The following RNF168 variants were observed in gnomAD, a reference collection of about 807,000 sequenced individuals.
The protein encoded by RNF168 is E3 ubiquitin-protein ligase RNF168.
A neutral mutation model predicts 34.9 loss-of-function variants in RNF168; 34 were observed. The observed-to-expected ratio is 0.97, with a 90% CI of 0.74 to 1.30. The LOEUF is 1.30. RNF168 is among the 50% of genes most tolerant of loss of function. The probability of loss-of-function intolerance (pLI) is 0.00; values close to 1 mark genes in which losing one functional copy is unlikely to be tolerated. For missense variants in RNF168, 725 were observed against 682.5 expected, an observed-to-expected ratio of 1.06 and a Z score of -0.69; for synonymous variants, 264 against 254.7, an observed-to-expected ratio of 1.04 and a Z score of -0.35.
intron 1 of RNF168, among the ~76,000 whole-genome samples, chr3:196,497,585 G>C (rs193084873): frequency 6.6e-6 from 1 of 151,908 alleles, no homozygotes; most frequent in Non-Finnish European, 1.5e-5. Flanking sequence ...GAGGAGAATC[G>C]CTTGAACCTG....
At chr3:196,481,128 C>T (rs374868599) in intron 4 of RNF168, among the ~76,000 whole-genome samples, 4 of 151,964 alleles carry the variant, frequency 2.6e-5, no homozygotes, top group Admixed American at 6.6e-5. Context: ...ATAATTATAC[C>T]GCCTCTGAAG....
intron 1 of RNF168, 112 bp from the exon 2 acceptor site, chr3:196,488,795 A>C: frequency 1.8e-6 from 1 of 551,214 alleles, no homozygotes; most frequent in Non-Finnish European, 3.3e-6. Context: ...AACTGCAGCA[A>C]TATCTCCTTT....
chr3:196,486,129 A>T lies in RNF168; in HGVS notation c.558+1270T>A, dbSNP rs879688241. Among the ~76,000 whole-genome samples, 63 of 152,238 alleles carry T rather than the reference A, an allele frequency of 4.1e-4. 1 individual carries two copies. The highest frequency in any genetic ancestry group is 6.3e-4 in the Non-Finnish European group (43 of 68,044). Reference sequence around the variant, plus strand: ...AGGCAGCAATTTAACTACAGGAAGCAGAACATCCAAGTTTAATACATTATC... The same window carrying T: ...AGGCAGCAATTTAACTACAGGAAGCTGAACATCCAAGTTTAATACATTATC... On this transcript the variant is annotated intron_variant, in intron 3 of 5. Coordinates refer to ENST00000318037, the MANE Select transcript of RNF168 (RefSeq NM_152617.4).
At chr3:196,484,169 TC>T (rs1289936657) in intron 3 of RNF168, among the ~76,000 whole-genome samples, 1 of 120,220 alleles carries the variant, frequency 8.3e-6, no homozygotes, top group Non-Finnish European at 1.7e-5. Flanking sequence ...GATCTTTCTT[TC>T]CTTTTTTTTT....
intron 4 of RNF168, among the ~76,000 whole-genome samples, chr3:196,480,067 C>CGT (rs1553861538): frequency 2.0e-5 from 3 of 151,700 alleles, no homozygotes; most frequent in African/African-American, 7.3e-5. Flanking sequence ...GTAAATATTC[C>CGT]GTCTTCATCT....
At chr3:196,493,865 T>A (rs1259818891) in intron 1 of RNF168, among the ~76,000 whole-genome samples, 2 of 151,172 alleles carry the variant, frequency 1.3e-5, no homozygotes, top group African/African-American at 4.9e-5. Flanking sequence ...ATTTTTTTTT[T>A]TTTTTGAGAC....
rs558954467 is a variant in RNF168 at position 196,475,097 on chromosome 3, G to A, written c.762+134C>T. On this transcript the variant is annotated intron_variant, in intron 5 of 5. Coordinates refer to ENST00000318037, the MANE Select transcript of RNF168 (RefSeq NM_152617.4). ...GAGAAAAAGTGCTTTTTCTCTAGGT[G>A]AGCCTAAGAGGACTCAGACAGGGTG... The A allele has an allele frequency of 4.7e-6, 3 of 643,448 alleles. No individual in the cohort carries two copies. The South Asian group carries it at 5.2e-5, about 11-fold the overall frequency. 39.9% of individuals were successfully genotyped at this position (643,448 alleles called of 1,614,324 possible). A position where few individuals can be genotyped will look rare whatever the true frequency, so the allele number is the denominator to read the frequency against.
At chr3:196,487,252 C>G in intron 3 of RNF168, 147 bp downstream of exon 3, 1 of 799,976 alleles carries the variant, frequency 1.3e-6, no homozygotes, top group Admixed American at 1.8e-5. Flanking sequence ...TCCAAACACT[C>G]AAATCCAACC....
In RNF168 at chr3:196,503,170, C is replaced by G; in HGVS notation, c.4G>C (p.Ala2Pro). 6.2e-7 allele frequency: 1 copy of G among 1,613,738 alleles called. No homozygotes were observed. The highest frequency in any genetic ancestry group is 8.5e-7 in the Non-Finnish European group (1 of 1,179,750). M[A>P]LPKDAIPSLS... is the part of the protein sequence containing the mutation. Reference sequence around the variant, plus strand: ...GAGGGGATGGCGTCTTTGGGTAGAGCCATTTCAATATGTTAGTAAAGCCGA... The same window carrying G: ...GAGGGGATGGCGTCTTTGGGTAGAGGCATTTCAATATGTTAGTAAAGCCGA... The change falls in exon 1 of 6, where the codon GCT becomes CCT. Residue 2 changes from alanine to proline, a missense_variant. Physicochemically the swap from Ala to Pro is conservative, Grantham distance 27. Coordinates refer to ENST00000318037, the MANE Select transcript of RNF168 (RefSeq NM_152617.4).
rs1458803237 is a variant in RNF168 at position 196,470,399 on chromosome 3, T to G, written c.*1420A>C. The G allele has an allele frequency of 5.9e-5, 9 of 151,326 alleles. No individual in the cohort carries two copies. The highest frequency in any genetic ancestry group is 1.2e-4 in the Non-Finnish European group (8 of 68,624). The allele number at this position is 151,326 out of a possible 1,614,324, so 9.4% of individuals were successfully genotyped here. The stretch of plus-strand genomic sequence containing the variant: ...CCCCACCCAGCCTCATCTGGACCAG[T>G]TTCTGACGACCCAATCAGTTTCAAT... On this transcript the variant is annotated 3_prime_UTR_variant, in exon 6 of 6. Transcript: ENST00000318037.
At chr3:196,501,401 G>A (rs1411755834) in intron 1 of RNF168, among the ~76,000 whole-genome samples, 1 of 152,160 alleles carries the variant, frequency 6.6e-6, no homozygotes, top group Non-Finnish European at 1.5e-5. Context: ...GAAAAATGAA[G>A]TACTGATCCA....
chr3:196,498,623 G>GT (rs1193711618), intron 1 of RNF168, among the ~76,000 whole-genome samples: 2 of 152,162 alleles, frequency 1.3e-5, no homozygotes, highest in African/African-American at 4.8e-5. Context: ...CTGAAGCACT[G>GT]TATCAGTGGA....
In RNF168 at chr3:196,487,475, G is replaced by A. The variant is rs137882759; in HGVS notation, c.482C>T (p.Ala161Val). Residue 161 changes from alanine to valine, a missense_variant, in exon 3 of 6, where the codon GCA becomes GTA. Transcript: ENST00000318037. ...TTCCATCGCTCTTCGCCTTTTTTCT[G>A]CCTGTCTTTTTTCCTCTTCTTCCTC... ...AEEEEEEKRQ[A>V]EKRRRAMEEQ... 1.3e-4 allele frequency: 202 copies of A among 1,613,930 alleles called. No homozygotes were observed. The East Asian group carries it at 4.1e-3, about 33-fold the overall frequency.
In RNF168 at chr3:196,491,119, C is replaced by A. The variant is rs568392179; in HGVS notation, c.302-2436G>T. Among the ~76,000 whole-genome samples, 25 of 152,028 alleles carry A rather than the reference C, an allele frequency of 1.6e-4. No homozygotes were observed. In the South Asian group the frequency reaches 1.9e-3, roughly 11 times the overall value. Reference sequence around the variant, plus strand: ...CATGAGGTCAGGAGTTCGAGACCAGCCTGGCCAATATGGTGAAACCCCGTC... The same window carrying A: ...CATGAGGTCAGGAGTTCGAGACCAGACTGGCCAATATGGTGAAACCCCGTC... On this transcript the variant is annotated intron_variant, in intron 1 of 5. Coordinates refer to ENST00000318037, the MANE Select transcript of RNF168 (RefSeq NM_152617.4).
Position 196,484,842 on chromosome 3 carries a change from G to C in RNF168, c.559-951C>G, listed in dbSNP as rs188698966. Among the ~76,000 whole-genome samples the C allele has an allele frequency of 2.0e-4, 30 of 152,132 alleles. No individual in the cohort carries two copies. The East Asian group carries it at 4.2e-3, about 22-fold the overall frequency. ...TACTTTTTTTTAAATGCTTTGTAAA[G>C]ATGAGGTCTCACTATGTTGCCCAGG... On this transcript the variant is annotated intron_variant, in intron 3 of 5. Transcript: ENST00000318037.
intron 4 of RNF168, among the ~76,000 whole-genome samples, chr3:196,480,272 G>A (rs1732255218): frequency 6.6e-6 from 1 of 152,126 alleles, no homozygotes; most frequent in African/African-American, 2.4e-5. Flanking sequence ...CTTCTAAAAA[G>A]TTTAAAAATC....
chr3:196,487,725 TTC>T, intron 2 of RNF168, 147 bp from the exon 3 acceptor site: 2 of 821,188 alleles, frequency 2.4e-6, no homozygotes. Context: ...GAGAAGTAGA[TTC>T]CTGCAAGATA....
rs768487159 is a variant in RNF168 at position 196,472,454 on chromosome 3, C to T, written c.1081G>A (p.Val361Met). Residue 361 changes from valine (V) to methionine (M), a missense_variant, in exon 6 of 6, where the codon GTG (valine) becomes ATG (methionine). Val to Met is a conservative substitution (Grantham distance 21, BLOSUM62 1). Coordinates refer to ENST00000318037, the MANE Select transcript of RNF168 (RefSeq NM_152617.4). ...TESGCAPTSG[V>M]TQTNGNNTGE... The stretch of plus-strand genomic sequence containing the variant: ...GTGTTGTTTCCATTTGTCTGTGTCA[C>T]CCCTGATGTGGGGGCGCACCCACTT... 1 of 1,614,116 alleles carries T rather than the reference C, an allele frequency of 6.2e-7. No homozygotes were observed. Among genetic ancestry groups the T allele is most frequent in the Admixed American group, 1.7e-5 (1 of 60,010 alleles).
chr3:196,487,408 G>A lies in RNF168; in HGVS notation c.549C>T (p.Ser183=). 6.2e-7 allele frequency: 1 copy of A among 1,613,700 alleles called. No individual in the cohort carries two copies. The highest frequency in any genetic ancestry group is 1.1e-5 in the South Asian group (1 of 91,076). ...CCCTCCTAAAACTTACAATATCAAT[G>A]CTTAGCTTTCTTGCCAGTTCCTCAT... ...KSDEELARKL[S]IDINNFCEGS... is the part of the protein sequence containing the mutation. Residue 183 remains serine, a synonymous_variant, in exon 3 of 6, where the codon AGC becomes AGT. Transcript: ENST00000318037.
Sources: allele counts gnomAD v4.1 joint callset (sites outside exome capture counted in the v4.1 genomes callset), GRCh38; gene constraint gnomAD v4.1.1; transcripts MANE v1.5; gene names NCBI Gene and HGNC (gene_info 2026-07-23, HGNC 2026-07-21).